The following SNTB1 variants were observed in gnomAD, a reference collection of about 807,000 sequenced individuals.
The protein encoded by SNTB1 is syntrophin beta 1, also known as beta-1-syntrophin.
Under a neutral mutation model 48.9 loss-of-function variants are expected in SNTB1, and 36 were observed. The observed-to-expected ratio is 0.74, with a 90% confidence interval of 0.56 to 0.97. The LOEUF (loss-of-function observed/expected upper bound fraction) is 0.97, where lower values mean the gene tolerates loss of function less well. Ranked by LOEUF, SNTB1 falls within the 50% of genes least tolerant of loss-of-function variation. The pLI is 0.00. For missense variants in SNTB1, 786 were observed against 703.4 expected (o/e 1.12, Z -1.33); for synonymous variants, 299 against 294.6 (o/e 1.01, Z -0.15).
intron 5 of SNTB1, among the ~76,000 whole-genome samples, chr8:120,546,367 G>A (rs1815380770): frequency 1.3e-5 from 2 of 152,154 alleles, no homozygotes; most frequent in African/African-American, 2.4e-5. Context: ...GAAAAACACC[G>A]GGTTAAATAT....
intron 3 of SNTB1, among the ~76,000 whole-genome samples, chr8:120,583,624 A>G (rs28561998): frequency 0.23 from 34,335 of 151,796 alleles, 4,103 homozygotes; most frequent in Middle Eastern, 0.3. Context: ...GTTTCTCCCC[A>G]AAATACTGAA....
At chr8:120,660,812 C>G (rs1048431328) in intron 2 of SNTB1, among the ~76,000 whole-genome samples, 5 of 152,134 alleles carry the variant, frequency 3.3e-5, no homozygotes, top group Admixed American at 2.0e-4. Flanking sequence ...TACTTGAACA[C>G]TTAGAAACCT....
chr8:120,620,570 A>G (rs1193501995), intron 3 of SNTB1, among the ~76,000 whole-genome samples: 1 of 152,002 alleles, frequency 6.6e-6, no homozygotes, highest in Non-Finnish European at 1.5e-5. Flanking sequence ...TAGGTTCTCC[A>G]ATTCACCTTA....
chr8:120,572,837 C>T (rs1587001930), intron 4 of SNTB1, among the ~76,000 whole-genome samples: 2 of 152,152 alleles, frequency 1.3e-5, no homozygotes, highest in East Asian at 3.8e-4. Context: ...ATCACTTGAA[C>T]CCGGGAGGCA....
At chr8:120,705,289 CAT>C (rs1467527420) in intron 1 of SNTB1, among the ~76,000 whole-genome samples, 1 of 152,198 alleles carries the variant, frequency 6.6e-6, no homozygotes, top group Non-Finnish European at 1.5e-5. Flanking sequence ...TTCACTCACT[CAT>C]AGAACTGTTG....
intron 2 of SNTB1, among the ~76,000 whole-genome samples, chr8:120,681,961 A>C (rs568585085): frequency 8.5e-5 from 13 of 152,224 alleles, no homozygotes; most frequent in Non-Finnish European, 1.6e-4. Context: ...AAAAAGAGAG[A>C]ATATTCTCCA....
chr8:120,803,687 G>C (rs1167652657), intron 1 of SNTB1, among the ~76,000 whole-genome samples: 1 of 152,150 alleles, frequency 6.6e-6, no homozygotes, highest in Admixed American at 6.5e-5. Context: ...TGAACATGAA[G>C]AGCATTTCCC....
intron 4 of SNTB1, among the ~76,000 whole-genome samples, chr8:120,569,756 T>C (rs1815811476): frequency 6.6e-6 from 1 of 152,228 alleles, no homozygotes. Flanking sequence ...TGGTAGTCAC[T>C]AGCCACAGGT....
intron 3 of SNTB1, among the ~76,000 whole-genome samples, chr8:120,600,148 G>A (rs1816399770): frequency 6.6e-6 from 1 of 152,130 alleles, no homozygotes; most frequent in South Asian, 2.1e-4. Flanking sequence ...CTCTCCTCTG[G>A]GCAGGCCCCA....
intron 2 of SNTB1, among the ~76,000 whole-genome samples, chr8:120,668,231 G>T (rs552962317): frequency 4.2e-4 from 64 of 152,332 alleles, no homozygotes; most frequent in Admixed American, 9.1e-4. Context: ...TGGCTTGAGA[G>T]ATCAAGGCAG....
chr8:120,705,200 G>A (rs879853631), intron 1 of SNTB1, among the ~76,000 whole-genome samples: 24 of 152,286 alleles, frequency 1.6e-4, no homozygotes, highest in South Asian at 1.5e-3. Flanking sequence ...GTCTGACCCT[G>A]GGGTCCAATT....
chr8:120,797,897 C>A (rs1171003150), intron 1 of SNTB1, among the ~76,000 whole-genome samples: 16 of 152,076 alleles, frequency 1.1e-4, no homozygotes, highest in African/African-American at 3.9e-4. Context: ...GTTTGTACAC[C>A]TTTATTCCAC....
At chr8:120,614,873 G>A (rs1168226168) in intron 3 of SNTB1, among the ~76,000 whole-genome samples, 3 of 147,438 alleles carry the variant, frequency 2.0e-5, no homozygotes, top group Admixed American at 6.9e-5. Flanking sequence ...AATTGCTCAC[G>A]TTTATTAAGA....
chr8:120,538,631 C>A lies in SNTB1; in HGVS notation c.*246G>T. ...ATGCTGTGTATTTCCCGTCACCTCA[C>A]CTCTTTAACCTTGTACTGTTCTAGA... On this transcript the variant is annotated 3_prime_UTR_variant, in exon 7 of 7. Transcript: ENST00000517992. 1.7e-6 allele frequency: 1 copy of A among 574,682 alleles called. No homozygotes were observed. The highest frequency in any genetic ancestry group is 3.9e-5 in the East Asian group (1 of 25,952). The allele number at this position is 574,682 out of a possible 1,614,324, so 35.6% of individuals were successfully genotyped here. A position where few individuals can be genotyped will look rare whatever the true frequency, so the allele number is the denominator to read the frequency against.
chr8:120,680,750 G>C lies in SNTB1; in HGVS notation c.788+12942C>G, dbSNP rs117408123. On this transcript the variant is annotated intron_variant, in intron 2 of 6. Transcript: ENST00000517992. ...TGGGCAGCTTTTTGCAAACAAAATA[G>C]AGTTCAATTAATGTATCAAGAACAA... Among the ~76,000 whole-genome samples the C allele has an allele frequency of 2.2e-3, 331 of 152,260 alleles. 2 individuals carry two copies. In the South Asian group the frequency reaches 0.044, roughly 20 times the overall value.
At chr8:120,540,573 A>C (rs558245216) in intron 6 of SNTB1, among the ~76,000 whole-genome samples, 29 of 152,336 alleles carry the variant, frequency 1.9e-4, no homozygotes, top group African/African-American at 7.0e-4. Flanking sequence ...ATACAGCAGC[A>C]ACTGAATTAG....
At chr8:120,713,211 T>G (rs571006727) in intron 1 of SNTB1, among the ~76,000 whole-genome samples, 1 of 152,260 alleles carries the variant, frequency 6.6e-6, no homozygotes, top group South Asian at 2.1e-4. Context: ...ATACACCTGA[T>G]AGAATATTTT....
intron 1 of SNTB1, among the ~76,000 whole-genome samples, chr8:120,806,199 G>A (rs948155982): frequency 1.3e-5 from 2 of 152,216 alleles, no homozygotes; most frequent in South Asian, 2.1e-4. Flanking sequence ...ATTTATGAAG[G>A]CTTTTTAGCA....
chr8:120,581,088 C>CAAAAAAAA (rs775547135), intron 3 of SNTB1, among the ~76,000 whole-genome samples: 12 of 89,960 alleles, frequency 1.3e-4, no homozygotes, highest in African/African-American at 3.7e-4. Context: ...GACCCTGTCT[C>CAAAAAAAA]AAAAAAAAAA....
Sources: gnomAD v4.1 joint callset for allele counts (sites outside exome capture counted in the v4.1 genomes callset) on GRCh38, gnomAD v4.1.1 for gene constraint, MANE v1.5 for transcripts, NCBI Gene and HGNC (gene_info 2026-07-23, HGNC 2026-07-21) for gene names.